RELN: variants seen among roughly 807,000 people sequenced by gnomAD.
The protein encoded by RELN is reelin.
In RELN, 108 loss-of-function variants were observed where a neutral mutation model predicts 427.6. That is an observed-to-expected ratio of 0.25 (90% CI 0.22 to 0.30). The LOEUF (loss-of-function observed/expected upper bound fraction) is 0.30, where lower values mean the gene tolerates loss of function less well. RELN is among the 10% of genes least tolerant of loss of function. The probability of loss-of-function intolerance (pLI) is 1.00; values close to 1 mark genes in which losing one functional copy is unlikely to be tolerated. For missense variants in RELN, 3,715 were observed against 4,302.8 expected (o/e 0.86, Z 3.82); for synonymous variants, 1,524 against 1,513.4 (o/e 1.01, Z -0.16).
At chr7:103,548,349 T>A (rs1275522697) in intron 41 of RELN, among the ~76,000 whole-genome samples, 1 of 151,738 alleles carries the variant, frequency 6.6e-6, no homozygotes, top group Admixed American at 6.6e-5. Flanking sequence ...TATATGCTTT[T>A]AGCATCCAGC....
In RELN at chr7:103,500,789, G is replaced by T; in HGVS notation, c.8623C>A (p.Pro2875Thr). Residue 2875 changes from proline to threonine, a missense_variant, in exon 53 of 65, where the codon CCG (proline) becomes ACG (threonine). By Grantham distance (38) the Pro-to-Thr change is conservative. Around this residue, in one of 4 missense-constraint regions of RELN, gnomAD observed 1,310 missense variants for 1,643.0 expected, o/e 0.80. Transcript: ENST00000428762. The stretch of plus-strand genomic sequence containing the variant: ...TAGCAGTTTGGCCCTGAGTATCCCG[G>T]ATCACAGATGCACTGTTCCCTTAAG... Reference protein sequence around the residue: ...DCLREQCICDPGYSGPNCYLT... With the variant: ...DCLREQCICDTGYSGPNCYLT... The T allele has an allele frequency of 6.2e-7, 1 of 1,614,054 alleles. No individual in the cohort carries two copies. Among genetic ancestry groups the T allele is most frequent in the East Asian group, 2.2e-5 (1 of 44,884 alleles).
chr7:103,606,836 C>A (rs952144395), intron 22 of RELN, among the ~76,000 whole-genome samples: 1 of 151,886 alleles, frequency 6.6e-6, no homozygotes, highest in African/African-American at 2.4e-5. Context: ...GGGGACAATT[C>A]CACTTAAAAC....
chr7:103,638,048 T>C (rs1292808144), intron 17 of RELN, among the ~76,000 whole-genome samples: 1 of 150,230 alleles, frequency 6.7e-6, no homozygotes, highest in Non-Finnish European at 1.5e-5. Context: ...CTGATAAAGA[T>C]AAAGTAGTTT....
At chr7:103,892,448 C>T (rs1300171125) in intron 2 of RELN, among the ~76,000 whole-genome samples, 2 of 152,158 alleles carry the variant, frequency 1.3e-5, no homozygotes, top group Admixed American at 6.6e-5. Context: ...GCATGTGTTA[C>T]ACATTAGTAC....
At chr7:103,531,832 G>A (rs116269784) in intron 46 of RELN, among the ~76,000 whole-genome samples, 2,051 of 152,264 alleles carry the variant, frequency 0.013, 44 homozygotes, top group African/African-American at 0.046. Flanking sequence ...AAAGGAATGC[G>A]TTTACCCTGT....
intron 2 of RELN, among the ~76,000 whole-genome samples, chr7:103,901,490 G>A (rs961265148): frequency 5.3e-5 from 8 of 151,836 alleles, no homozygotes; most frequent in Non-Finnish European, 7.4e-5. Context: ...AGCCAAAAGT[G>A]GAAACAATCC....
At chr7:103,544,435 C>T (rs1488486910) in intron 42 of RELN, among the ~76,000 whole-genome samples, 1 of 151,656 alleles carries the variant, frequency 6.6e-6, no homozygotes, top group Non-Finnish European at 1.5e-5. Flanking sequence ...CCACGTTGGC[C>T]AGGCTGGTCT....
Position 103,535,285 on chromosome 7 carries a change from G to A in RELN, c.7349+31C>T, listed in dbSNP as rs760805503. On this transcript the variant is annotated intron_variant, in intron 46 of 64. Transcript: ENST00000428762. ...ACATTTGGGCTCACTATACGTAGAA[G>A]CATGTGGTGAACATGTAGAAGCATT... 4.4e-6 allele frequency: 7 copies of A among 1,606,862 alleles called. No individual in the cohort carries two copies. In the South Asian group the frequency reaches 7.7e-5, roughly 18 times the overall value.
intron 4 of RELN, among the ~76,000 whole-genome samples, chr7:103,767,070 C>T (rs1013391112): frequency 6.6e-6 from 1 of 152,166 alleles, no homozygotes; most frequent in African/African-American, 2.4e-5. Flanking sequence ...TGCCAAGAAG[C>T]CCACAGGCCA....
In RELN at chr7:103,603,342, C is replaced by T; in HGVS notation, c.3295G>A (p.Gly1099Ser). The part of the protein sequence containing the change: ...GEIVKPEQGC[G>S]VISSGSSLYF... ...AGAGATGATCCAGAAGAGATGACAC[C>T]ACACCCTTGTTCTGGTTTTACAATT... Residue 1099 changes from glycine to serine, a missense_variant, in exon 24 of 65, where the codon GGT becomes AGT. Physicochemically the swap from Gly to Ser is moderately conservative, Grantham distance 56 (BLOSUM62 0). Transcript: ENST00000428762. The surrounding 1 kb of genome is among the most constrained non-coding windows in gnomAD (Gnocchi z 4.3). 11 of 1,613,882 alleles carry T rather than the reference C, an allele frequency of 6.8e-6. No homozygotes were observed. Among genetic ancestry groups the T allele is most frequent in the Non-Finnish European group, 9.3e-6 (11 of 1,179,846 alleles).
chr7:103,515,422 G>A lies in RELN; in HGVS notation c.7882C>T (p.Pro2628Ser). The A allele has an allele frequency of 6.2e-7, 1 of 1,614,108 alleles. No individual in the cohort carries two copies. Among genetic ancestry groups the A allele is most frequent in the Non-Finnish European group, 8.5e-7 (1 of 1,180,040 alleles). ...SKPGFVNILL[P>S]PDAKEIATRF... Reference sequence around the variant, plus strand: ...GTGGCAATCTCTTTAGCATCAGGAGGGAGAAGGATATTCACAAATCTATAG... The same window carrying A: ...GTGGCAATCTCTTTAGCATCAGGAGAGAGAAGGATATTCACAAATCTATAG... The change falls in exon 50 of 65, where the codon CCT (proline) becomes TCT (serine). Residue 2628 changes from proline (P) to serine (S), a missense_variant. Around this residue, in one of 4 missense-constraint regions of RELN, gnomAD observed 1,310 missense variants for 1,643.0 expected, o/e 0.80. Transcript: ENST00000428762.
chr7:103,788,048 G>A (rs1215321700), intron 3 of RELN, among the ~76,000 whole-genome samples: 1 of 152,042 alleles, frequency 6.6e-6, no homozygotes, highest in Non-Finnish European at 1.5e-5. Flanking sequence ...ATCAATAAAC[G>A]TAATCCATCA....
chr7:103,800,546 G>A (rs1183077312), intron 3 of RELN, among the ~76,000 whole-genome samples: 1 of 152,116 alleles, frequency 6.6e-6, no homozygotes, highest in Admixed American at 6.6e-5. Flanking sequence ...GCTGAAACTG[G>A]ATCCCTTCCT....
At chr7:103,917,262 G>T in intron 1 of RELN, 77 bp from the exon 2 acceptor site, 1 of 1,131,610 alleles carries the variant, frequency 8.8e-7, no homozygotes, top group East Asian at 2.4e-5. Flanking sequence ...GTTAGACATT[G>T]TCAAAACAAT....
intron 2 of RELN, among the ~76,000 whole-genome samples, chr7:103,876,363 T>C (rs1329970941): frequency 6.6e-6 from 1 of 152,152 alleles, no homozygotes; most frequent in Non-Finnish European, 1.5e-5. Context: ...GTTTATCATA[T>C]TGTTGAAAGC....
intron 6 of RELN, among the ~76,000 whole-genome samples, chr7:103,733,146 T>G: frequency 6.6e-6 from 1 of 152,132 alleles, no homozygotes; most frequent in Non-Finnish European, 1.5e-5. Context: ...AACAGACACT[T>G]CTTAAAAGAA....
rs746288056 is a variant in RELN at position 103,563,314 on chromosome 7, A to G, written c.5211-1361T>C. Among the ~76,000 whole-genome samples the G allele has an allele frequency of 6.6e-6, 1 of 152,204 alleles. No homozygotes were observed. The highest frequency in any genetic ancestry group is 1.5e-5 in the Non-Finnish European group (1 of 68,032). ...GATCTGAAAAAAAATTCCTATTGCT[A>G]ATTGACATCTTGATGATTCTGACCT... On this transcript the variant is annotated intron_variant, in intron 34 of 64. Coordinates refer to ENST00000428762, the MANE Select transcript of RELN (RefSeq NM_005045.4). The surrounding 1 kb of genome is among the most constrained non-coding windows in gnomAD (Gnocchi z 4.1).
rs201896863 is a variant in RELN at position 103,752,415 on chromosome 7, A to AT, written c.577+766dup. ...TATTTATTTAAACAGTCTCATTTCA[A>AT]TTTTTTTTTAAAGAAACAGGATCTT... On this transcript the variant is annotated intron_variant, in intron 5 of 64. Transcript: ENST00000428762. Among the ~76,000 whole-genome samples the AT allele has an allele frequency of 2.4e-3, 362 of 151,678 alleles. 1 individual carries two copies. The highest frequency in any genetic ancestry group is 3.4e-3 in the Middle Eastern group (1 of 294).
chr7:103,553,174 A>G (rs1260984011), intron 40 of RELN, among the ~76,000 whole-genome samples: 3 of 152,222 alleles, frequency 2.0e-5, no homozygotes, highest in Admixed American at 6.5e-5. Context: ...ATATAATACA[A>G]GAATAGTATG....
Sources: gnomAD v4.1 joint callset for allele counts (sites outside exome capture counted in the v4.1 genomes callset) on GRCh38, gnomAD v4.1.1 for gene constraint, gnomAD v4.1.1 regional missense constraint, Gnocchi (gnomAD v3.1) non-coding constraint, MANE v1.5 for transcripts, NCBI Gene and HGNC (gene_info 2026-07-23, HGNC 2026-07-21) for gene names.